Variants in INTU observed in about 807,000 individuals in gnomAD.
INTU encodes inturned planar cell polarity protein.
INTU carries 68 observed loss-of-function variants against 100.5 expected under a neutral mutation model. The observed-to-expected ratio is 0.68, with a 90% confidence interval of 0.56 to 0.83. The LOEUF (loss-of-function observed/expected upper bound fraction) is 0.83, where lower values mean the gene tolerates loss of function less well. INTU is among the 40% of genes least tolerant of loss of function. The pLI is 0.00. For missense variants in INTU, 1,071 were observed against 1,114.7 expected, an observed-to-expected ratio of 0.96 and a Z score of 0.56; for synonymous variants, 357 against 395.7, an observed-to-expected ratio of 0.90 and a Z score of 1.16.
chr4:127,693,682 C>T (rs1730255704), intron 8 of INTU, among the ~76,000 whole-genome samples: 1 of 152,008 alleles, frequency 6.6e-6, no homozygotes, highest in South Asian at 2.1e-4. Flanking sequence ...CAACTTTTCC[C>T]CATTCAGTAT....
intron 2 of INTU, among the ~76,000 whole-genome samples, chr4:127,650,368 C>A (rs1238726601): frequency 9.5e-6 from 1 of 105,122 alleles, no homozygotes; most frequent in Non-Finnish European, 1.7e-5. Context: ...TGCTATCCCT[C>A]CCCCCTCCCC....
intron 14 of INTU, 32 bp downstream of exon 14, chr4:127,711,134 C>A: frequency 6.9e-7 from 1 of 1,453,780 alleles, no homozygotes. Flanking sequence ...AGTTTTCTGC[C>A]AGTTTAATTT....
Position 127,705,754 on chromosome 4 carries a change from C to T in INTU, c.1730C>T (p.Ser577Leu), listed in dbSNP as rs1227783596. 6.2e-7 allele frequency: 1 copy of T among 1,614,080 alleles called. No individual in the cohort carries two copies. Among genetic ancestry groups the T allele is most frequent in the Admixed American group, 1.7e-5 (1 of 60,008 alleles). ...PQHHLRPLAD[S>L]STEVFPEPEG... Reference sequence around the variant, plus strand: ...CATCACCTCCGACCTTTGGCAGACTCAAGCACTGAAGTCTTTCCGGAACCT... The same window carrying T: ...CATCACCTCCGACCTTTGGCAGACTTAAGCACTGAAGTCTTTCCGGAACCT... Residue 577 changes from serine to leucine, a missense_variant, in exon 11 of 16, where the codon TCA becomes TTA. Transcript: ENST00000335251.
chr4:127,684,410 G>A lies in INTU; in HGVS notation c.1183G>A (p.Val395Ile). 1 of 1,588,074 alleles carries A rather than the reference G, an allele frequency of 6.3e-7. No homozygotes were observed. Among genetic ancestry groups the A allele is most frequent in the Non-Finnish European group, 8.6e-7 (1 of 1,166,156 alleles). ...ATACGTGTAATTTTGCTTTTTTAGAGTTCCTCTTCCTCGTCTAAGGAACAT... is the reference window on the plus strand; with the variant it reads ...ATACGTGTAATTTTGCTTTTTTAGAATTCCTCTTCCTCGTCTAAGGAACAT... Reference protein sequence around the residue: ...LLLIGLPAEEVPLPRLRNMIE... With the variant: ...LLLIGLPAEEIPLPRLRNMIE... The change falls in exon 7 of 16, where the codon GTT (valine) becomes ATT (isoleucine). Residue 395 changes from valine (V) to isoleucine (I), a missense_variant and splice_region_variant. Physicochemically the swap from Val to Ile is conservative, Grantham distance 29. Transcript: ENST00000335251.
At chr4:127,690,874 CA>C (rs1277970688) in intron 8 of INTU, among the ~76,000 whole-genome samples, 7 of 152,066 alleles carry the variant, frequency 4.6e-5, no homozygotes, top group African/African-American at 1.7e-4. Flanking sequence ...CCATCATTTA[CA>C]TTAGGGTTCA....
chr4:127,644,566 G>A (rs937992753), intron 2 of INTU, among the ~76,000 whole-genome samples: 6 of 152,104 alleles, frequency 3.9e-5, no homozygotes, highest in Non-Finnish European at 8.8e-5. Context: ...TTAAGGGCGT[G>A]TGTCATAAAA....
At chr4:127,700,425 T>C (rs1730597364) in intron 9 of INTU, among the ~76,000 whole-genome samples, 1 of 152,186 alleles carries the variant, frequency 6.6e-6, no homozygotes, top group Non-Finnish European at 1.5e-5. Context: ...TTGTATTTCC[T>C]AGCTATGGCC....
At chr4:127,715,506 T>A (rs1451862171) in intron 15 of INTU, among the ~76,000 whole-genome samples, 1 of 152,188 alleles carries the variant, frequency 6.6e-6, no homozygotes, top group Non-Finnish European at 1.5e-5. Context: ...AGAGTGGGAA[T>A]CTGTATTTTT....
intron 2 of INTU, among the ~76,000 whole-genome samples, chr4:127,656,110 A>G (rs1164052196): frequency 1.3e-5 from 2 of 151,912 alleles, no homozygotes; most frequent in Non-Finnish European, 2.9e-5. Context: ...CCACTGACCT[A>G]CGCCCACTGT....
chr4:127,714,972 G>C (rs1039798599), intron 15 of INTU, among the ~76,000 whole-genome samples: 1 of 151,918 alleles, frequency 6.6e-6, no homozygotes, highest in East Asian at 1.9e-4. Context: ...ATATCTAGCA[G>C]AAGAATTATG....
At position 127,721,476 on chromosome 4, in the gene INTU, T is replaced by C. The variant is rs1205526553; in HGVS notation, c.*5040T>C. On this transcript the variant is annotated 3_prime_UTR_variant, in exon 16 of 16. Coordinates refer to ENST00000335251, the MANE Select transcript of INTU (RefSeq NM_015693.4). ...GGGGTTGATCTCATGGAGTATTGTATTGGGGTTCTCTGGATTTCCTGAATT... is the reference window on the plus strand; with the variant it reads ...GGGGTTGATCTCATGGAGTATTGTACTGGGGTTCTCTGGATTTCCTGAATT... 2 of 152,122 alleles carry C rather than the reference T, an allele frequency of 1.3e-5. No homozygotes were observed. The highest frequency in any genetic ancestry group is 2.9e-5 in the Non-Finnish European group (2 of 67,996). The allele number at this position is 152,122 out of a possible 1,614,324, so 9.4% of individuals were successfully genotyped here. A position where few individuals can be genotyped will look rare whatever the true frequency, so the allele number is the denominator to read the frequency against.
intron 6 of INTU, among the ~76,000 whole-genome samples, chr4:127,681,097 A>G (rs1469873327): frequency 6.6e-6 from 1 of 152,116 alleles, no homozygotes; most frequent in Non-Finnish European, 1.5e-5. Context: ...TCAATGAAAT[A>G]AAAGAGGATA....
chr4:127,650,203 G>C (rs1296803763), intron 2 of INTU, among the ~76,000 whole-genome samples: 1 of 151,860 alleles, frequency 6.6e-6, no homozygotes, highest in Non-Finnish European at 1.5e-5. Context: ...GTGGGTTTTT[G>C]TTTTGTTTTG....
chr4:127,709,947 ATAGT>A (rs1731033012), intron 13 of INTU, among the ~76,000 whole-genome samples: 1 of 152,180 alleles, frequency 6.6e-6, no homozygotes, highest in Non-Finnish European at 1.5e-5. Flanking sequence ...TAATTTTTTG[ATAGT>A]TAAACATGAT....
chr4:127,679,457 A>T (rs1367107367), intron 6 of INTU, among the ~76,000 whole-genome samples: 2 of 152,184 alleles, frequency 1.3e-5, no homozygotes, highest in Non-Finnish European at 2.9e-5. Flanking sequence ...ACTCACTCAA[A>T]ACCGCTCAAC....
chr4:127,679,141 C>G (rs1360197334), intron 6 of INTU, among the ~76,000 whole-genome samples: 1 of 151,774 alleles, frequency 6.6e-6, no homozygotes, highest in Non-Finnish European at 1.5e-5. Flanking sequence ...TAGACTCCCA[C>G]ACAATAATAA....
intron 1 of INTU, among the ~76,000 whole-genome samples, chr4:127,637,299 T>C (rs895284431): frequency 2.0e-5 from 3 of 152,234 alleles, no homozygotes; most frequent in Non-Finnish European, 2.9e-5. Flanking sequence ...AAATCATTTT[T>C]CTACTCTACT....
At chr4:127,715,158 T>A (rs1731225266) in intron 15 of INTU, among the ~76,000 whole-genome samples, 1 of 151,970 alleles carries the variant, frequency 6.6e-6, no homozygotes, top group South Asian at 2.1e-4. Context: ...ACAGTGGAAA[T>A]TATACAGCAC....
At chr4:127,657,447 G>C (rs1047345492) in intron 3 of INTU, among the ~76,000 whole-genome samples, 3 of 152,058 alleles carry the variant, frequency 2.0e-5, no homozygotes, top group Admixed American at 6.5e-5. Flanking sequence ...ATGTGGGTTA[G>C]AGCAGGGGTC....
Sources: gnomAD v4.1 joint callset for allele counts (sites outside exome capture counted in the v4.1 genomes callset) on GRCh38, gnomAD v4.1.1 for gene constraint, MANE v1.5 for transcripts, NCBI Gene and HGNC (gene_info 2026-07-23, HGNC 2026-07-21) for gene names.